NRXN1: variants seen among roughly 807,000 people sequenced by gnomAD.
NRXN1 encodes the protein neurexin-1.
A neutral mutation model predicts 150.9 loss-of-function variants in NRXN1; 39 were observed. The observed-to-expected ratio is 0.26, with a 90% confidence interval of 0.20 to 0.34. The LOEUF (loss-of-function observed/expected upper bound fraction) is 0.34. Ranked by LOEUF, NRXN1 falls within the 10% of genes least tolerant of loss-of-function variation. NRXN1 has a pLI of 1.00. For synonymous variants in NRXN1, 924 were observed against 757.0 expected, an observed-to-expected ratio of 1.22 and a Z score of -3.62; for missense variants, 1,815 against 1,949.9, an observed-to-expected ratio of 0.93 and a Z score of 1.30.
intron 17 of NRXN1, among the ~76,000 whole-genome samples, chr2:50,295,038 C>G (rs1393068548): frequency 1.3e-5 from 2 of 152,192 alleles, no homozygotes; most frequent in African/African-American, 4.8e-5. Flanking sequence ...TGGAAACACT[C>G]TGTTTGCATG....
intron 10 of NRXN1, among the ~76,000 whole-genome samples, chr2:50,534,507 A>G (rs1476561978): frequency 1.3e-5 from 2 of 152,190 alleles, no homozygotes; most frequent in Non-Finnish European, 2.9e-5. Flanking sequence ...CTGTTGCTCA[A>G]AAAATAATGA....
chr2:49,932,453 T>A (rs1422592545), intron 22 of NRXN1, among the ~76,000 whole-genome samples: 1 of 152,064 alleles, frequency 6.6e-6, no homozygotes, highest in Non-Finnish European at 1.5e-5. Context: ...TCCTTTCCTT[T>A]CCTTTTCGCT....
intron 5 of NRXN1, among the ~76,000 whole-genome samples, chr2:50,745,937 TAA>T (rs1344149847): frequency 1.3e-5 from 2 of 152,016 alleles, no homozygotes; most frequent in African/African-American, 2.4e-5. Flanking sequence ...GTGGAAATTT[TAA>T]AACAGTAATC....
intron 21 of NRXN1, among the ~76,000 whole-genome samples, chr2:50,016,147 G>A (rs1056003561): frequency 3.3e-5 from 5 of 151,972 alleles, no homozygotes; most frequent in African/African-American, 4.8e-5. Context: ...GCAATTTAAA[G>A]GACCAATGCA....
chr2:50,979,671 C>A (rs1305289520), intron 2 of NRXN1, among the ~76,000 whole-genome samples: 1 of 152,074 alleles, frequency 6.6e-6, no homozygotes, highest in East Asian at 1.9e-4. Context: ...TGGCAACGAA[C>A]CTTGGTCAAC....
At chr2:51,019,406 A>G (rs1361134918) in intron 2 of NRXN1, among the ~76,000 whole-genome samples, 3 of 152,126 alleles carry the variant, frequency 2.0e-5, no homozygotes, top group Non-Finnish European at 4.4e-5. Flanking sequence ...TTTAATAAAA[A>G]CTACTGTGAT....
At chr2:50,932,418 ATACT>A (rs1347954890) in intron 2 of NRXN1, among the ~76,000 whole-genome samples, 3 of 151,980 alleles carry the variant, frequency 2.0e-5, no homozygotes. Context: ...AAGACAGCAA[ATACT>A]TGGTTGGTAG....
intron 18 of NRXN1, among the ~76,000 whole-genome samples, chr2:50,189,175 T>C (rs945521955): frequency 2.6e-5 from 4 of 152,184 alleles, no homozygotes; most frequent in African/African-American, 9.6e-5. Context: ...CACAATGGAA[T>C]ACTATGAAGT....
At chr2:50,039,847 G>C (rs1395841864) in intron 21 of NRXN1, among the ~76,000 whole-genome samples, 1 of 152,082 alleles carries the variant, frequency 6.6e-6, no homozygotes, top group East Asian at 1.9e-4. Context: ...CAAATATAAC[G>C]CAAAATAAAA....
At chr2:50,575,123 G>A (rs1023743848) in intron 8 of NRXN1, among the ~76,000 whole-genome samples, 2 of 152,218 alleles carry the variant, frequency 1.3e-5, no homozygotes, top group African/African-American at 4.8e-5. Context: ...TGATGTTTAT[G>A]TCACCTTTCT....
chr2:49,956,891 C>T (rs1675059352), intron 21 of NRXN1, among the ~76,000 whole-genome samples: 1 of 152,218 alleles, frequency 6.6e-6, no homozygotes, highest in Non-Finnish European at 1.5e-5. Flanking sequence ...AGTTACTAAG[C>T]TGCCTACATT....
chr2:50,935,421 G>A (rs1414493482), intron 2 of NRXN1, among the ~76,000 whole-genome samples: 4 of 152,078 alleles, frequency 2.6e-5, no homozygotes, highest in Non-Finnish European at 5.9e-5. Flanking sequence ...AATAAAAACT[G>A]AGTAGGGAGA....
chr2:50,549,814 T>C (rs952128041), intron 9 of NRXN1, among the ~76,000 whole-genome samples: 1 of 152,186 alleles, frequency 6.6e-6, no homozygotes, highest in Non-Finnish European at 1.5e-5. Flanking sequence ...TTTCTCCTTA[T>C]AATAAGAAAC....
intron 17 of NRXN1, among the ~76,000 whole-genome samples, chr2:50,303,962 C>A (rs1187338074): frequency 6.6e-6 from 1 of 152,056 alleles, no homozygotes; most frequent in South Asian, 2.1e-4. Flanking sequence ...ATCTAGAAAG[C>A]CTTTGTCTAT....
At chr2:50,436,457 G>GAA (rs77204704) in intron 17 of NRXN1, among the ~76,000 whole-genome samples, 2 of 138,972 alleles carry the variant, frequency 1.4e-5, no homozygotes, top group South Asian at 2.3e-4. Context: ...CCGTCTCAAG[G>GAA]AAAAAAAAAA....
At position 50,856,943 on chromosome 2, in the gene NRXN1, C is replaced by T. The variant is rs1449082984; in HGVS notation, c.832+64926G>A. Among the ~76,000 whole-genome samples, 7 of 152,166 alleles carry T rather than the reference C, an allele frequency of 4.6e-5. No homozygotes were observed. In the South Asian group the frequency reaches 1.5e-3, roughly 32 times the overall value. ...CCTATCCTATTCTCACAGTAATTGT[C>T]ATATCCAGTGCTCCAGATACCACAA... On this transcript the variant is annotated intron_variant, in intron 5 of 22. Coordinates refer to ENST00000401669, the MANE Select transcript of NRXN1 (RefSeq NM_001330078.2).
intron 5 of NRXN1, among the ~76,000 whole-genome samples, chr2:50,677,377 C>T (rs1005359510): frequency 1.2e-4 from 18 of 152,084 alleles, no homozygotes; most frequent in Admixed American, 5.9e-4. Flanking sequence ...GGTATTTTAA[C>T]GTGAGGATAC....
intron 5 of NRXN1, among the ~76,000 whole-genome samples, chr2:50,643,297 A>G (rs1293585439): frequency 6.6e-6 from 1 of 151,956 alleles, no homozygotes; most frequent in Non-Finnish European, 1.5e-5. Context: ...TTTCTCCTCA[A>G]TAAATTGTAA....
chr2:50,037,300 T>A (rs888667435), intron 21 of NRXN1, among the ~76,000 whole-genome samples: 2 of 143,000 alleles, frequency 1.4e-5, no homozygotes, highest in African/African-American at 5.3e-5. Flanking sequence ...TTGGCTCTAA[T>A]TACAATCAAA....
Sources: gnomAD v4.1 joint callset for allele counts (sites outside exome capture counted in the v4.1 genomes callset) on GRCh38, gnomAD v4.1.1 for gene constraint, MANE v1.5 for transcripts, NCBI Gene and HGNC (gene_info 2026-07-23, HGNC 2026-07-21) for gene names.